PCDHA6: variants seen among roughly 807,000 people sequenced by gnomAD.
PCDHA6 encodes the protein protocadherin alpha 6, also known as protocadherin alpha-6.
PCDHA6 carries 55 observed loss-of-function variants against 60.3 expected under a neutral mutation model. That is an observed-to-expected ratio of 0.91 (90% CI 0.73 to 1.14). PCDHA6 has a LOEUF of 1.14. PCDHA6 is among the 50% of genes most tolerant of loss of function. PCDHA6 has a pLI of 0.00. For synonymous variants in PCDHA6, 652 were observed against 557.9 expected, an observed-to-expected ratio of 1.17 and a Z score of -2.38; for missense variants, 1,327 against 1,256.5, an observed-to-expected ratio of 1.06 and a Z score of -0.85.
chr5:140,888,077 A>T (rs575248983), intron 1 of PCDHA6, among the ~76,000 whole-genome samples: 2 of 152,238 alleles, frequency 1.3e-5, no homozygotes, highest in African/African-American at 4.8e-5. Flanking sequence ...TGCTAATTTC[A>T]ACATTTTTGT....
chr5:140,891,637 G>A (rs1245368138), intron 1 of PCDHA6, among the ~76,000 whole-genome samples: 1 of 151,912 alleles, frequency 6.6e-6, no homozygotes, highest in East Asian at 1.9e-4. Context: ...TGCTCTTTGG[G>A]CTTTATTGTG....
At chr5:140,858,468 G>T in intron 1 of PCDHA6, 1 of 1,521,202 alleles carries the variant, frequency 6.6e-7, no homozygotes, top group Non-Finnish European at 8.9e-7. Context: ...TTCCTTTTGT[G>T]CTTTATGAAT....
In PCDHA6 at chr5:140,846,938, C is replaced by A. The variant is rs1187863995; in HGVS notation, c.2394+16453C>A. 2.7e-5 allele frequency among the ~76,000 whole-genome samples: 4 copies of A among 149,452 alleles called. 2 individuals are homozygous for A. The highest frequency in any genetic ancestry group is 6.0e-5 in the Non-Finnish European group (4 of 66,840). On this transcript the variant is annotated intron_variant, in intron 1 of 3. Coordinates refer to ENST00000529310, the MANE Select transcript of PCDHA6 (RefSeq NM_018909.4). ...TCCTATTTGAATTTTTGAAGAAATACTTGAAGGGGCATGGTGTGTTTCAGT... is the reference window on the plus strand; with the variant it reads ...TCCTATTTGAATTTTTGAAGAAATAATTGAAGGGGCATGGTGTGTTTCAGT...
In PCDHA6 at chr5:140,922,291, T is replaced by A. The variant is rs951080588; in HGVS notation, c.2395-56658T>A. ...AGATTGGACCAAGATATGAAAATGC[T>A]AGGAGAGGATACCTTTCACTGAAGA... On this transcript the variant is annotated intron_variant, in intron 1 of 3. Coordinates refer to ENST00000529310, the MANE Select transcript of PCDHA6 (RefSeq NM_018909.4). Among the ~76,000 whole-genome samples, 38 of 152,228 alleles carry A rather than the reference T, an allele frequency of 2.5e-4. 1 individual carries two copies. The highest frequency in any genetic ancestry group is 1.5e-5 in the Non-Finnish European group (1 of 68,048).
chr5:141,007,311 G>T (rs1268953957), intron 3 of PCDHA6, among the ~76,000 whole-genome samples: 1 of 151,596 alleles, frequency 6.6e-6, no homozygotes, highest in Non-Finnish European at 1.5e-5. Context: ...AGCATTTTGG[G>T]AGGCTAAAGT....
chr5:140,847,431 G>C (rs1781013253), intron 1 of PCDHA6: 1 of 149,628 alleles, frequency 6.7e-6, no homozygotes, highest in South Asian at 2.1e-4. Flanking sequence ...CTTTAGACTT[G>C]AGATACACTA....
intron 1 of PCDHA6, chr5:140,871,054 A>G: frequency 6.2e-7 from 1 of 1,613,204 alleles, no homozygotes. Flanking sequence ...AGTACTGGTG[A>G]AGGATCACGG....
At position 140,851,914 on chromosome 5, in the gene PCDHA6, A is replaced by G. The variant is rs1213624827; in HGVS notation, c.2394+21429A>G. 6 of 969,578 alleles carry G rather than the reference A, an allele frequency of 6.2e-6. No individual in the cohort carries two copies. The African/African-American group carries it at 7.1e-5, about 11-fold the overall frequency. 60.1% of individuals were successfully genotyped at this position (969,578 alleles called of 1,614,324 possible). On this transcript the variant is annotated intron_variant, in intron 1 of 3. Coordinates refer to ENST00000529310, the MANE Select transcript of PCDHA6 (RefSeq NM_018909.4). ...AGATTTGCCTCTTTAATGTCACTAC[A>G]TGTTATGTTTCCTGAATTGTAGTAT... is the stretch of plus-strand genomic sequence containing the variant.
intron 1 of PCDHA6, among the ~76,000 whole-genome samples, chr5:140,948,503 A>G (rs949915439): frequency 1.4e-4 from 22 of 151,736 alleles, no homozygotes; most frequent in Middle Eastern, 3.4e-3. Flanking sequence ...TAGACTTTCT[A>G]TTAAAAATGT....
At position 140,855,161 on chromosome 5, in the gene PCDHA6, C is replaced by T. The variant is rs1469242390; in HGVS notation, c.2394+24676C>T. On this transcript the variant is annotated intron_variant, in intron 1 of 3. Coordinates refer to ENST00000529310, the MANE Select transcript of PCDHA6 (RefSeq NM_018909.4). ...TGATGAGCCAAATTTGGTATTGAGC[C>T]TCATGAAAACAAATGTGGCCAAATT... Among the ~76,000 whole-genome samples, 4 of 149,656 alleles carry T rather than the reference C, an allele frequency of 2.7e-5. 1 individual carries two copies. Among genetic ancestry groups the T allele is most frequent in the African/African-American group, 9.8e-5 (4 of 40,822 alleles).
rs2150161087 is a variant in PCDHA6 at position 140,828,941 on chromosome 5, C to T, written c.850C>T (p.Leu284Phe). The T allele has an allele frequency of 3.1e-6, 5 of 1,614,196 alleles. No homozygotes were observed. The highest frequency in any genetic ancestry group is 2.7e-5 in the African/African-American group (2 of 75,064). Residue 284 changes from leucine to phenylalanine, a missense_variant, in exon 1 of 4, where the codon CTT becomes TTT. By Grantham distance (22) the Leu-to-Phe change is conservative (BLOSUM62 0). Coordinates refer to ENST00000529310, the MANE Select transcript of PCDHA6 (RefSeq NM_018909.4). The stretch of plus-strand genomic sequence containing the variant: ...GGCAATTTCATATTCTTTTAATAGC[C>T]TTGTTGCAGCCATGGTTATTGACCA... ...NGAISYSFNS[L>F]VAAMVIDHFS...
At chr5:141,007,095 G>A (rs1405401392) in intron 3 of PCDHA6, among the ~76,000 whole-genome samples, 2 of 152,208 alleles carry the variant, frequency 1.3e-5, no homozygotes, top group East Asian at 1.9e-4. Context: ...AGAGAGTCTA[G>A]GGCCAAACCC....
intron 1 of PCDHA6, among the ~76,000 whole-genome samples, chr5:140,906,476 G>A (rs1284528767): frequency 1.3e-5 from 2 of 152,192 alleles, no homozygotes; most frequent in African/African-American, 4.8e-5. Context: ...TAGTACAAAT[G>A]TATAAATGCA....
At position 140,966,710 on chromosome 5, in the gene PCDHA6, G is replaced by T. The variant is rs552888876; in HGVS notation, c.2395-12239G>T. The T allele has an allele frequency of 2.9e-6, 4 of 1,391,664 alleles. No individual in the cohort carries two copies. In the South Asian group the frequency reaches 6.5e-5, roughly 23 times the overall value. The allele number at this position is 1,391,664 out of a possible 1,614,324, so 86.2% of individuals were successfully genotyped here. A position where few individuals can be genotyped will look rare whatever the true frequency, so the allele number is the denominator to read the frequency against. On this transcript the variant is annotated intron_variant, in intron 1 of 3. Transcript: ENST00000529310. ...AGGCGGGGCCCGGGCGTGGGGCACG[G>T]CTGGGGAAGCTGCCGCCTCCGGCCC...
chr5:140,845,660 T>C (rs1779973975), intron 1 of PCDHA6, among the ~76,000 whole-genome samples: 1 of 149,710 alleles, frequency 6.7e-6, no homozygotes, highest in African/African-American at 2.4e-5. Context: ...AATTTTTGTA[T>C]GTGTAGCCAT....
In PCDHA6 at chr5:140,999,778, T is replaced by G. The variant is rs1252583642; in HGVS notation, c.2543-9849T>G. On this transcript the variant is annotated intron_variant, in intron 3 of 3. Coordinates refer to ENST00000529310, the MANE Select transcript of PCDHA6 (RefSeq NM_018909.4). ...ACATGATGTCTTTATACTCTTAACC[T>G]AGAAATGGCAGAGTTATTTTGGGCA... 3.0e-4 allele frequency among the ~76,000 whole-genome samples: 46 copies of G among 152,162 alleles called. 1 individual carries two copies.
intron 1 of PCDHA6, among the ~76,000 whole-genome samples, chr5:140,907,970 A>G (rs1312755290): frequency 6.6e-6 from 1 of 152,158 alleles, no homozygotes; most frequent in African/African-American, 2.4e-5. Context: ...CAATTTTCCA[A>G]TCATGCTTCT....
Position 140,883,273 on chromosome 5 carries a change from C to A in PCDHA6, c.2394+52788C>A, listed in dbSNP as rs370482487. Reference sequence around the variant, plus strand: ...ATATTCCAATGGCGGGTCATTGTACCCTTTTGGTGGAAGTACTAGATGTAA... The same window carrying A: ...ATATTCCAATGGCGGGTCATTGTACACTTTTGGTGGAAGTACTAGATGTAA... On this transcript the variant is annotated intron_variant, in intron 1 of 3. Transcript: ENST00000529310. 10 of 1,613,676 alleles carry A rather than the reference C, an allele frequency of 6.2e-6. No homozygotes were observed. The Middle Eastern group carries it at 6.6e-4, about 106-fold the overall frequency.
At chr5:141,009,104 T>G (rs2098399543) in intron 3 of PCDHA6, among the ~76,000 whole-genome samples, 1 of 152,220 alleles carries the variant, frequency 6.6e-6, no homozygotes, top group Non-Finnish European at 1.5e-5. Flanking sequence ...CATATGTTAC[T>G]ATGAAACTAG....
Sources: gnomAD v4.1 joint callset for allele counts (sites outside exome capture counted in the v4.1 genomes callset) on GRCh38, gnomAD v4.1.1 for gene constraint, MANE v1.5 for transcripts, NCBI Gene and HGNC (gene_info 2026-07-23, HGNC 2026-07-21) for gene names.